Variants in TSPAN18 observed in about 807,000 individuals in gnomAD.
TSPAN18 encodes tetraspanin 18.
Under a neutral mutation model 27.3 loss-of-function variants are expected in TSPAN18, and 14 were observed. That is an observed-to-expected ratio of 0.51 (90% CI 0.34 to 0.80). The LOEUF (loss-of-function observed/expected upper bound fraction) is 0.80, where lower values mean the gene tolerates loss of function less well. Among genes scored for constraint, TSPAN18 ranks in the 30% least tolerant of loss-of-function variants. The pLI is 0.01. For missense variants in TSPAN18, 268 were observed against 323.9 expected, an observed-to-expected ratio of 0.83 and a Z score of 1.32; for synonymous variants, 143 against 136.5, an observed-to-expected ratio of 1.05 and a Z score of -0.33.
chr11:44,927,113 C>A (rs1300434989), intron 9 of TSPAN18, among the ~76,000 whole-genome samples: 1 of 152,242 alleles, frequency 6.6e-6, no homozygotes, highest in Non-Finnish European at 1.5e-5. Context: ...GAAGGACAGG[C>A]TGCAGCCCGT....
intron 1 of TSPAN18, among the ~76,000 whole-genome samples, chr11:44,761,353 T>C (rs950059366): frequency 1.3e-5 from 2 of 152,296 alleles, no homozygotes; most frequent in Admixed American, 1.3e-4. Flanking sequence ...CCAGGACAGC[T>C]CTGGCTCTAA....
chr11:44,926,644 A>T (rs201194840), intron 8 of TSPAN18, 30 bp from the exon 9 acceptor site: 3 of 1,607,194 alleles, frequency 1.9e-6, no homozygotes, highest in Non-Finnish European at 2.6e-6. Flanking sequence ...AACCCTGGCC[A>T]TAGCTTGACC....
At chr11:44,861,835 A>ACAC in intron 3 of TSPAN18, among the ~76,000 whole-genome samples, 2 of 131,334 alleles carry the variant, frequency 1.5e-5, no homozygotes, top group African/African-American at 3.0e-5. Flanking sequence ...ACACACACAC[A>ACAC]GCCCCCATGC....
chr11:44,729,144 A>C (rs1854591274), intron 1 of TSPAN18, among the ~76,000 whole-genome samples: 2 of 152,226 alleles, frequency 1.3e-5, no homozygotes, highest in African/African-American at 4.8e-5. Flanking sequence ...ACAGATCAGC[A>C]TGATTTTTAT....
chr11:44,908,760 G>A (rs1192372539), intron 4 of TSPAN18, among the ~76,000 whole-genome samples: 561 of 20,058 alleles, frequency 0.028, 86 homozygotes, highest in African/African-American at 0.092. Flanking sequence ...GAGAGAGAGA[G>A]AGAGAAAGGA....
intron 2 of TSPAN18, among the ~76,000 whole-genome samples, chr11:44,812,021 G>A (rs1272891459): frequency 6.6e-6 from 1 of 152,180 alleles, no homozygotes; most frequent in South Asian, 2.1e-4. Flanking sequence ...GTCGACTTCG[G>A]TGGAAACAGG....
intron 2 of TSPAN18, among the ~76,000 whole-genome samples, chr11:44,838,962 C>G (rs1187533074): frequency 6.6e-6 from 1 of 152,152 alleles, no homozygotes; most frequent in Non-Finnish European, 1.5e-5. Flanking sequence ...TAATCAAATC[C>G]TCATCTAGGT....
At chr11:44,728,125 C>T (rs1854563298) in intron 1 of TSPAN18, among the ~76,000 whole-genome samples, 1 of 152,138 alleles carries the variant, frequency 6.6e-6, no homozygotes, top group Admixed American at 6.5e-5. Context: ...TACGCGGGGT[C>T]CCGCCCCGAG....
intron 8 of TSPAN18, chr11:44,926,342 T>A: frequency 3.9e-6 from 1 of 254,358 alleles, no homozygotes; most frequent in Non-Finnish European, 7.6e-6. Flanking sequence ...TTCTTCTGAT[T>A]TCTCCAGAGC....
chr11:44,856,763 C>T (rs953859377), intron 2 of TSPAN18, among the ~76,000 whole-genome samples: 1 of 152,170 alleles, frequency 6.6e-6, no homozygotes, highest in Non-Finnish European at 1.5e-5. Context: ...CTGTTGAATT[C>T]AAGACCAGCC....
chr11:44,819,538 G>A (rs1459672918), intron 2 of TSPAN18, among the ~76,000 whole-genome samples: 2 of 152,252 alleles, frequency 1.3e-5, no homozygotes, highest in Middle Eastern at 3.4e-3. Flanking sequence ...GTGCACACTG[G>A]CAGCCTCGTT....
intron 2 of TSPAN18, among the ~76,000 whole-genome samples, chr11:44,802,692 G>T (rs1238009222): frequency 6.6e-6 from 1 of 151,820 alleles, no homozygotes; most frequent in African/African-American, 2.4e-5. Context: ...GGCTGCAGGT[G>T]GTAAAGGCTG....
intron 5 of TSPAN18, among the ~76,000 whole-genome samples, chr11:44,915,245 G>A (rs528577697): frequency 1.2e-4 from 18 of 152,290 alleles, no homozygotes; most frequent in South Asian, 2.1e-4. Flanking sequence ...TAATGGAAGC[G>A]GATGGCCATC....
chr11:44,780,880 C>CCAGCTT (rs1320297287), intron 2 of TSPAN18, among the ~76,000 whole-genome samples: 1 of 152,196 alleles, frequency 6.6e-6, no homozygotes, highest in Non-Finnish European at 1.5e-5. Context: ...CCACAACTTG[C>CCAGCTT]CAGCTTCCTA....
intron 5 of TSPAN18, among the ~76,000 whole-genome samples, chr11:44,916,973 T>A (rs1859933266): frequency 6.6e-6 from 1 of 152,214 alleles, no homozygotes. Context: ...AACCACACAA[T>A]GACCAGGGCC....
intron 5 of TSPAN18, among the ~76,000 whole-genome samples, chr11:44,913,921 G>A (rs966132184): frequency 1.1e-4 from 16 of 152,244 alleles, no homozygotes; most frequent in African/African-American, 3.4e-4. Flanking sequence ...CTGGTAAACT[G>A]TCTTAAGCAG....
At chr11:44,901,019 A>G (rs953418901) in intron 3 of TSPAN18, among the ~76,000 whole-genome samples, 8 of 152,038 alleles carry the variant, frequency 5.3e-5, no homozygotes, top group Admixed American at 2.0e-4. Flanking sequence ...TTTTATCCTG[A>G]CTTTACAGAG....
At chr11:44,795,559 A>G (rs985744641) in intron 2 of TSPAN18, among the ~76,000 whole-genome samples, 4 of 152,152 alleles carry the variant, frequency 2.6e-5, no homozygotes, top group Non-Finnish European at 4.4e-5. Flanking sequence ...GGCGGTGGCC[A>G]GCCTGACACA....
At chr11:44,920,758 G>A (rs796818176) in intron 8 of TSPAN18, among the ~76,000 whole-genome samples, 6 of 152,260 alleles carry the variant, frequency 3.9e-5, no homozygotes, top group African/African-American at 1.2e-4. Context: ...GGACTTTAAC[G>A]AGGGTCTCAT....
Sources: gnomAD v4.1 joint callset for allele counts (sites outside exome capture counted in the v4.1 genomes callset) on GRCh38, gnomAD v4.1.1 for gene constraint, MANE v1.5 for transcripts, NCBI Gene and HGNC (gene_info 2026-07-23, HGNC 2026-07-21) for gene names.